AQR: variants seen among roughly 807,000 people sequenced by gnomAD.
AQR encodes the protein aquarius intron-binding spliceosomal factor.
AQR carries 61 observed loss-of-function variants against 180.5 expected under a neutral mutation model. That is an observed-to-expected ratio of 0.34 (90% confidence interval 0.28 to 0.42). The LOEUF (loss-of-function observed/expected upper bound fraction) is 0.42. Among genes scored for constraint, AQR ranks in the 10% least tolerant of loss-of-function variants. AQR has a pLI of 1.00. For synonymous variants in AQR, 551 were observed against 588.8 expected (o/e 0.94, Z 0.93); for missense variants, 1,281 against 1,798.3 (o/e 0.71, Z 5.20).
At chr15:34,955,464 C>A (rs1415294082) in intron 3 of AQR, among the ~76,000 whole-genome samples, 2 of 152,190 alleles carry the variant, frequency 1.3e-5, no homozygotes, top group African/African-American at 4.8e-5. Context: ...AGGTCTGGAG[C>A]TGTGGCAGCC....
chr15:34,920,933 G>C (rs1166649917), intron 13 of AQR, among the ~76,000 whole-genome samples: 2 of 152,034 alleles, frequency 1.3e-5, no homozygotes, highest in Non-Finnish European at 2.9e-5. Flanking sequence ...ACTCCAGCCT[G>C]GGCGACAAAG....
intron 33 of AQR, 118 bp downstream of exon 33, chr15:34,862,748 TC>T (rs1892687028): frequency 7.1e-6 from 8 of 1,130,812 alleles, no homozygotes; most frequent in Middle Eastern, 3.0e-4. Flanking sequence ...TGCAGCACAC[TC>T]TAAAACAGGG....
At position 34,890,269 on chromosome 15, in the gene AQR, A is replaced by G; in HGVS notation, c.2627T>C (p.Leu876Pro). The part of the protein sequence containing the change: ...IMALDIDERH[L>P]LRLGHGEEEL... The stretch of plus-strand genomic sequence containing the variant: ...TTCTTCTCCATGACCAAGACGCAGT[A>G]GGTGGCGCTCATCAATGTCTAATGC... Residue 876 changes from leucine (L) to proline (P), a missense_variant, in exon 24 of 35, where the codon CTA becomes CCA. Around this residue, in one of 9 missense-constraint regions of AQR, gnomAD observed 31 missense variants for 95.5 expected, o/e 0.32. Transcript: ENST00000156471. The G allele has an allele frequency of 6.2e-7, 1 of 1,613,702 alleles. No individual in the cohort carries two copies. The highest frequency in any genetic ancestry group is 8.5e-7 in the Non-Finnish European group (1 of 1,179,836).
intron 8 of AQR, among the ~76,000 whole-genome samples, chr15:34,939,391 T>C (rs1329252565): frequency 6.6e-6 from 1 of 152,122 alleles, no homozygotes; most frequent in African/African-American, 2.4e-5. Context: ...CAGCCAAACA[T>C]TTTCATTTGT....
intron 13 of AQR, among the ~76,000 whole-genome samples, chr15:34,922,055 G>A (rs913817946): frequency 3.9e-5 from 6 of 152,142 alleles, no homozygotes; most frequent in Non-Finnish European, 5.9e-5. Flanking sequence ...CAAGTGATCT[G>A]CCTGCCTTGG....
chr15:34,943,135 A>C, intron 6 of AQR: 1 of 1,611,602 alleles, frequency 6.2e-7, no homozygotes, highest in Non-Finnish European at 8.5e-7. Flanking sequence ...GGCAAGCACC[A>C]ACCCCATAAA....
chr15:34,914,470 TA>T (rs1893549955), intron 16 of AQR, among the ~76,000 whole-genome samples: 1 of 152,130 alleles, frequency 6.6e-6, no homozygotes, highest in South Asian at 2.1e-4. Flanking sequence ...GCCCTAAAAG[TA>T]AATCCTGGTG....
chr15:34,964,436 T>C (rs775844623), intron 1 of AQR, 146 bp from the exon 2 acceptor site: 3 of 729,702 alleles, frequency 4.1e-6, no homozygotes, highest in Non-Finnish European at 2.5e-6. Context: ...TACACAGGCA[T>C]GCAGGCCAGT....
chr15:34,954,029 C>T (rs1285192582), intron 3 of AQR, among the ~76,000 whole-genome samples: 4 of 151,632 alleles, frequency 2.6e-5, no homozygotes, highest in Non-Finnish European at 4.4e-5. Flanking sequence ...ATTCTTGTGC[C>T]TCAGACTCTT....
chr15:34,921,541 G>A (rs892270322), intron 13 of AQR, among the ~76,000 whole-genome samples: 24 of 151,606 alleles, frequency 1.6e-4, no homozygotes, highest in African/African-American at 5.3e-4. Flanking sequence ...TAATTTCAAG[G>A]AAAACAACTA....
intron 11 of AQR, among the ~76,000 whole-genome samples, chr15:34,931,665 G>A (rs543707080): frequency 5.3e-5 from 8 of 152,178 alleles, no homozygotes; most frequent in Non-Finnish European, 1.0e-4. Flanking sequence ...AACATTACCC[G>A]GGCGTGGCGG....
chr15:34,960,096 C>G (rs978859947), intron 3 of AQR, among the ~76,000 whole-genome samples: 1 of 152,202 alleles, frequency 6.6e-6, no homozygotes, highest in Non-Finnish European at 1.5e-5. Flanking sequence ...GGCCTTTGAC[C>G]CATTTAGTCA....
intron 26 of AQR, among the ~76,000 whole-genome samples, chr15:34,884,037 T>G (rs919241633): frequency 1.1e-4 from 16 of 152,178 alleles, no homozygotes; most frequent in African/African-American, 3.6e-4. Flanking sequence ...TCAAAAATAC[T>G]AAGACCTTTA....
At chr15:34,870,377 T>C (rs1892799507) in intron 31 of AQR, 1 of 156,240 alleles carries the variant, frequency 6.4e-6, no homozygotes, top group Non-Finnish European at 1.4e-5. Context: ...TGAATACATT[T>C]TACAATCTTC....
chr15:34,870,095 G>C (rs967789582), intron 31 of AQR: 3 of 152,094 alleles, frequency 2.0e-5, no homozygotes, highest in Non-Finnish European at 2.9e-5. Context: ...ATAACAAAAG[G>C]CCCTCTTTTC....
At chr15:34,911,089 T>C (rs1262152154) in intron 16 of AQR, among the ~76,000 whole-genome samples, 3 of 152,214 alleles carry the variant, frequency 2.0e-5, no homozygotes, top group East Asian at 1.9e-4. Context: ...GGTTTATCCA[T>C]GTTGTCAAAA....
chr15:34,875,306 C>T (rs896906271), intron 28 of AQR, among the ~76,000 whole-genome samples: 3 of 152,192 alleles, frequency 2.0e-5, no homozygotes, highest in Non-Finnish European at 4.4e-5. Context: ...ATTATCTACA[C>T]TACTACTTCA....
In AQR at chr15:34,918,420, T is replaced by C. The variant is rs759677466; in HGVS notation, c.1222-42A>G. On this transcript the variant is annotated intron_variant, in intron 14 of 34. Coordinates refer to ENST00000156471, the MANE Select transcript of AQR (RefSeq NM_014691.3). ...AAGTTCATGCAGAAGGTTAGAAGCATCTTTTTTCAATCAAAATAATTTATG... is the reference window on the plus strand; with the variant it reads ...AAGTTCATGCAGAAGGTTAGAAGCACCTTTTTTCAATCAAAATAATTTATG... 40 of 1,584,240 alleles carry C rather than the reference T, an allele frequency of 2.5e-5. No homozygotes were observed. The Admixed American group carries it at 2.8e-4, about 11-fold the overall frequency.
rs1432872817 is a variant in AQR, at chr15:34,932,224, T to C, written c.900+94A>G. 9 of 1,010,158 alleles carry C rather than the reference T, an allele frequency of 8.9e-6. No homozygotes were observed. In the East Asian group the frequency reaches 2.3e-4, roughly 25 times the overall value. 62.6% of individuals were successfully genotyped at this position (1,010,158 alleles called of 1,614,324 possible). A position where few individuals can be genotyped will look rare whatever the true frequency, so the allele number is the denominator to read the frequency against. ...ACATGACTTTAAAATAACTAGGAGT[T>C]TGTGTTATGCCCTGATACTCCCAGT... On this transcript the variant is annotated intron_variant, in intron 11 of 34. Coordinates refer to ENST00000156471, the MANE Select transcript of AQR (RefSeq NM_014691.3).
Sources: gnomAD v4.1 joint callset for allele counts (sites outside exome capture counted in the v4.1 genomes callset) on GRCh38, gnomAD v4.1.1 for gene constraint, gnomAD v4.1.1 regional missense constraint, MANE v1.5 for transcripts, NCBI Gene and HGNC (gene_info 2026-07-23, HGNC 2026-07-21) for gene names.